SCN10A: variants seen among roughly 807,000 people sequenced by gnomAD.
SCN10A encodes sodium voltage-gated channel alpha subunit 10, also known as sodium channel protein type 10 subunit alpha.
A neutral mutation model predicts 170.7 loss-of-function variants in SCN10A; 162 were observed. The ratio of observed to expected loss-of-function variants is 0.95; its 90% CI spans 0.84 to 1.08. SCN10A has a LOEUF of 1.08. Among genes scored for constraint, SCN10A ranks in the 50% least tolerant of loss-of-function variants. The pLI is 0.00. For synonymous variants in SCN10A, 985 were observed against 904.6 expected, an observed-to-expected ratio of 1.09 and a Z score of -1.59; for missense variants, 2,527 against 2,436.9, an observed-to-expected ratio of 1.04 and a Z score of -0.78.
At position 38,788,484 on chromosome 3, in the gene SCN10A, C is replaced by T. The variant is rs535550332; in HGVS notation, c.470+472G>A. Among the ~76,000 whole-genome samples the T allele has an allele frequency of 3.3e-5, 5 of 152,284 alleles. No individual in the cohort carries two copies. The East Asian group carries it at 9.6e-4, about 29-fold the overall frequency. On this transcript the variant is annotated intron_variant, in intron 4 of 27. Transcript: ENST00000449082. Reference sequence around the variant, plus strand: ...ATTTATGAGTTATTTTCTAAATATACTCCAGAGCCATTTGTTCTTAGTTCT... The same window carrying T: ...ATTTATGAGTTATTTTCTAAATATATTCCAGAGCCATTTGTTCTTAGTTCT...
chr3:38,771,371 C>A lies in SCN10A; in HGVS notation c.507G>T (p.Leu169Phe), dbSNP rs1223349313. The A allele has an allele frequency of 1.2e-6, 2 of 1,613,962 alleles. No homozygotes were observed. Among genetic ancestry groups the A allele is most frequent in the African/African-American group, 1.3e-5 (1 of 74,926 alleles). Residue 169 changes from leucine to phenylalanine, a missense_variant, in exon 5 of 28, where the codon TTG becomes TTT. Transcript: ENST00000449082. ...VFTVIYTFEA[L>F]IKILARGFCL... ...AAAATCCTCTTGCCAGTATCTTTAT[C>A]AAGGCTTCAAAGGTGTAAATGACAG...
intron 4 of SCN10A, among the ~76,000 whole-genome samples, chr3:38,786,853 C>T (rs2064210924): frequency 6.6e-6 from 1 of 152,114 alleles, no homozygotes; most frequent in Non-Finnish European, 1.5e-5. Context: ...TGTTTATGGA[C>T]TGTCTATGCT....
At chr3:38,786,028 T>A (rs1348623755) in intron 4 of SCN10A, among the ~76,000 whole-genome samples, 1 of 152,164 alleles carries the variant, frequency 6.6e-6, no homozygotes, top group Non-Finnish European at 1.5e-5. Context: ...ACACTGTTGG[T>A]GGGAGTGTAA....
chr3:38,804,202 A>T (rs1473468666), intron 1 of SCN10A, among the ~76,000 whole-genome samples: 1 of 152,100 alleles, frequency 6.6e-6, no homozygotes, highest in Non-Finnish European at 1.5e-5. Context: ...TCTTGAACAC[A>T]CCAAGCACAA....
At chr3:38,785,989 A>G (rs1409842524) in intron 4 of SCN10A, among the ~76,000 whole-genome samples, 2 of 152,122 alleles carry the variant, frequency 1.3e-5, no homozygotes, top group Non-Finnish European at 1.5e-5. Flanking sequence ...CAGATGCTGG[A>G]GAGGATGTGG....
At chr3:38,766,728 G>A (rs1281984735) in intron 5 of SCN10A, among the ~76,000 whole-genome samples, 1 of 152,050 alleles carries the variant, frequency 6.6e-6, no homozygotes, top group Non-Finnish European at 1.5e-5. Flanking sequence ...TGGTATTAGG[G>A]TGATACTGGC....
intron 23 of SCN10A, among the ~76,000 whole-genome samples, chr3:38,711,477 T>C (rs11129803): frequency 0.19 from 29,430 of 152,206 alleles, 3,062 homozygotes; most frequent in African/African-American, 0.25. Flanking sequence ...TTAGTCTGTT[T>C]CTCATACAGC....
At chr3:38,767,463 T>A (rs1400828729) in intron 5 of SCN10A, among the ~76,000 whole-genome samples, 3 of 152,028 alleles carry the variant, frequency 2.0e-5, no homozygotes, top group Admixed American at 1.3e-4. Flanking sequence ...GTTCAAAAAA[T>A]TTTTAAACTT....
intron 18 of SCN10A, 102 bp downstream of exon 18, chr3:38,725,072 G>A: frequency 2.6e-6 from 3 of 1,158,324 alleles, no homozygotes; most frequent in Non-Finnish European, 3.6e-6. Flanking sequence ...ATTGAGTGCA[G>A]TCTGGAATAC....
chr3:38,702,423 A>G (rs1281213558), intron 26 of SCN10A, among the ~76,000 whole-genome samples: 2 of 152,052 alleles, frequency 1.3e-5, no homozygotes, highest in Non-Finnish European at 2.9e-5. Flanking sequence ...TGAGTAATCC[A>G]TCTCTTTTAA....
At chr3:38,719,353 G>T (rs370465585) in intron 20 of SCN10A, among the ~76,000 whole-genome samples, 2 of 144,880 alleles carry the variant, frequency 1.4e-5, no homozygotes, top group Admixed American at 7.0e-5. Flanking sequence ...CTGTGGCTGT[G>T]GGGGGCTGCC....
intron 4 of SCN10A, among the ~76,000 whole-genome samples, chr3:38,777,169 A>G (rs1025120545): frequency 6.6e-6 from 1 of 152,068 alleles, no homozygotes; most frequent in Non-Finnish European, 1.5e-5. Flanking sequence ...GGCCAATTCA[A>G]TAAGACAGGA....
chr3:38,698,930 A>T (rs1402636285), intron 27 of SCN10A, among the ~76,000 whole-genome samples: 1 of 152,076 alleles, frequency 6.6e-6, no homozygotes, highest in Non-Finnish European at 1.5e-5. Flanking sequence ...TTCCTATGAC[A>T]CAGACCCTGC....
At chr3:38,713,650 G>A (rs1240815774) in intron 22 of SCN10A, among the ~76,000 whole-genome samples, 1 of 152,064 alleles carries the variant, frequency 6.6e-6, no homozygotes, top group Non-Finnish European at 1.5e-5. Context: ...GGGATGGAGG[G>A]CATAAAGGGG....
At chr3:38,746,100 T>TATATTTATATATCTAG (rs71085336) in intron 13 of SCN10A, among the ~76,000 whole-genome samples, 1 of 99,820 alleles carries the variant, frequency 1.0e-5, no homozygotes, top group Non-Finnish European at 2.0e-5. Flanking sequence ...TATATATATA[T>TATATTTATATATCTAG]GCCATCTTTG....
intron 27 of SCN10A, 132 bp downstream of exon 27, chr3:38,701,707 G>T: frequency 3.7e-6 from 3 of 821,036 alleles, no homozygotes; most frequent in Non-Finnish European, 3.7e-6. Context: ...TTGGAAAGCT[G>T]CAAATACAGG....
chr3:38,723,728 C>T (rs935557308), intron 18 of SCN10A, among the ~76,000 whole-genome samples, 175 bp from the exon 19 acceptor site: 9 of 152,224 alleles, frequency 5.9e-5, no homozygotes, highest in African/African-American at 1.4e-4. Flanking sequence ...TGTAAACCTT[C>T]GGGGCCCCTG....
intron 25 of SCN10A, 62 bp downstream of exon 25, chr3:38,709,416 G>A (rs2125987685): frequency 6.6e-7 from 1 of 1,523,480 alleles, no homozygotes. Context: ...AGCTGGGCAG[G>A]GAACAGGAAA....
intron 4 of SCN10A, among the ~76,000 whole-genome samples, chr3:38,777,285 ATTTAAC>A (rs2064087342): frequency 6.6e-6 from 1 of 152,086 alleles, no homozygotes; most frequent in Non-Finnish European, 1.5e-5. Context: ...CTACAGAAAA[ATTTAAC>A]TTTAAGGAGC....
Sources: gnomAD v4.1 joint callset for allele counts (sites outside exome capture counted in the v4.1 genomes callset) on GRCh38, gnomAD v4.1.1 for gene constraint, MANE v1.5 for transcripts, NCBI Gene and HGNC (gene_info 2026-07-23, HGNC 2026-07-21) for gene names.